CHN1: variants seen among roughly 807,000 people sequenced by gnomAD.
The protein encoded by CHN1 is chimerin 1.
In CHN1, 37 loss-of-function variants were observed where a neutral mutation model predicts 59.5. That is an observed-to-expected ratio of 0.62 (90% CI 0.48 to 0.82). The LOEUF is 0.82. CHN1 is among the 40% of genes least tolerant of loss of function. CHN1 has a pLI of 0.00. For missense variants in CHN1, 469 were observed against 571.0 expected (o/e 0.82, Z 1.82); for synonymous variants, 206 against 200.4 (o/e 1.03, Z -0.24).
chr2:174,899,227 A>G (rs532244126), intron 5 of CHN1, among the ~76,000 whole-genome samples: 5 of 152,364 alleles, frequency 3.3e-5, no homozygotes, highest in South Asian at 2.1e-4. Context: ...GAAGACAGAC[A>G]CGATACATAT....
intron 4 of CHN1, 49 bp downstream of exon 4, chr2:174,918,485 G>C (rs1688913748): frequency 2.1e-6 from 3 of 1,415,790 alleles, no homozygotes; most frequent in Non-Finnish European, 1.9e-6. Context: ...TACCCTGTCT[G>C]TCTTACATAT....
chr2:174,892,714 C>T (rs903053469), intron 5 of CHN1, among the ~76,000 whole-genome samples: 1 of 152,078 alleles, frequency 6.6e-6, no homozygotes, highest in Admixed American at 6.5e-5. Flanking sequence ...AAATCCTCAC[C>T]AACCTAGTGA....
chr2:174,840,664 G>A (rs1686268662), intron 7 of CHN1, among the ~76,000 whole-genome samples: 1 of 152,166 alleles, frequency 6.6e-6, no homozygotes, highest in African/African-American at 2.4e-5. Context: ...ACGGAGCTAG[G>A]AAAGCCTGGA....
intron 5 of CHN1, among the ~76,000 whole-genome samples, chr2:174,891,110 C>T (rs375362399): frequency 8.4e-6 from 1 of 118,716 alleles, no homozygotes; most frequent in Non-Finnish European, 1.6e-5. Context: ...CACTGCACTC[C>T]AGCTTGGGCG....
At chr2:174,833,205 A>G (rs900991665) in intron 7 of CHN1, among the ~76,000 whole-genome samples, 1 of 152,018 alleles carries the variant, frequency 6.6e-6, no homozygotes, top group Non-Finnish European at 1.5e-5. Context: ...TATTCTGTCT[A>G]TTTCACCCTC....
intron 1 of CHN1, among the ~76,000 whole-genome samples, chr2:174,993,510 CAT>C (rs952471524): frequency 6.6e-5 from 10 of 151,060 alleles, no homozygotes; most frequent in Non-Finnish European, 1.2e-4. Context: ...TGAAAACAGA[CAT>C]GTAGAAAGTG....
chr2:174,799,066 A>G lies in CHN1; in HGVS notation c.*1050T>C, dbSNP rs1159470014. On this transcript the variant is annotated 3_prime_UTR_variant, in exon 13 of 13. Transcript: ENST00000409900. ...TCAGCTCAATGCATGTTGATGTCAT[A>G]TATTTTTGACAAATCAAATGTTTAG... Among the ~76,000 whole-genome samples the G allele has an allele frequency of 1.3e-5, 2 of 152,232 alleles. No individual in the cohort carries two copies. Among genetic ancestry groups the G allele is most frequent in the African/African-American group, 2.4e-5 (1 of 41,452 alleles).
chr2:174,823,568 C>T (rs1170011411), intron 8 of CHN1, among the ~76,000 whole-genome samples: 2 of 151,640 alleles, frequency 1.3e-5, no homozygotes, highest in East Asian at 3.9e-4. Context: ...GAGGCTGAGG[C>T]AGGAGAATGG....
In CHN1 at chr2:174,804,474, T is replaced by G. The variant is rs949696784; in HGVS notation, c.1103-2662A>C. Among the ~76,000 whole-genome samples, 4 of 152,314 alleles carry G rather than the reference T, an allele frequency of 2.6e-5. No homozygotes were observed. The East Asian group carries it at 7.7e-4, about 29-fold the overall frequency. ...ATGTATTTTTCAGTTATCTGTACTC[T>G]GGCTGCCTAGTGGAAAACAGACTGT... On this transcript the variant is annotated intron_variant, in intron 11 of 12. Coordinates refer to ENST00000409900, the MANE Select transcript of CHN1 (RefSeq NM_001822.7).
chr2:174,911,638 C>CA (rs1688704577), intron 5 of CHN1, among the ~76,000 whole-genome samples: 1 of 152,198 alleles, frequency 6.6e-6, no homozygotes, highest in Non-Finnish European at 1.5e-5. Context: ...GAAAACCTGT[C>CA]ATGCCACATG....
chr2:174,864,418 A>G (rs1687153802), intron 6 of CHN1, among the ~76,000 whole-genome samples: 1 of 152,222 alleles, frequency 6.6e-6, no homozygotes, highest in Non-Finnish European at 1.5e-5. Flanking sequence ...ATGTATGCTG[A>G]TTTATCTAAA....
At chr2:174,855,681 C>T (rs1686878422) in intron 6 of CHN1, among the ~76,000 whole-genome samples, 2 of 152,014 alleles carry the variant, frequency 1.3e-5, no homozygotes, top group South Asian at 4.2e-4. Flanking sequence ...CTAGTAAATG[C>T]TTTACATGTA....
chr2:174,904,979 C>T lies in CHN1; in HGVS notation c.260+10079G>A, dbSNP rs911877301. Reference sequence around the variant, plus strand: ...AATCTCATGCATTTACCTTAACGTACCACACATTATCACCTTGTATGGGTG... The same window carrying T: ...AATCTCATGCATTTACCTTAACGTATCACACATTATCACCTTGTATGGGTG... On this transcript the variant is annotated intron_variant, in intron 5 of 12. Transcript: ENST00000409900. Among the ~76,000 whole-genome samples the T allele has an allele frequency of 2.6e-5, 4 of 152,120 alleles. No individual in the cohort carries two copies. In the East Asian group the frequency reaches 5.8e-4, roughly 22 times the overall value.
intron 1 of CHN1, among the ~76,000 whole-genome samples, chr2:174,962,865 G>A (rs887232514): frequency 3.3e-5 from 5 of 151,804 alleles, no homozygotes; most frequent in Admixed American, 2.0e-4. Flanking sequence ...AGCCAAGATC[G>A]TGCCACTGCA....
At chr2:174,974,395 A>G (rs1049552405) in intron 1 of CHN1, among the ~76,000 whole-genome samples, 1 of 152,202 alleles carries the variant, frequency 6.6e-6, no homozygotes, top group Non-Finnish European at 1.5e-5. Flanking sequence ...GCAAAAGGTC[A>G]TTGTCACTGG....
chr2:174,869,512 TG>T (rs34119723), intron 6 of CHN1, among the ~76,000 whole-genome samples: 1 of 110,846 alleles, frequency 9.0e-6, no homozygotes, highest in East Asian at 2.3e-4. Flanking sequence ...GGGGTCTGGG[TG>T]GGGGTAAGAT....
intron 3 of CHN1, among the ~76,000 whole-genome samples, chr2:174,927,201 C>T (rs1277135951): frequency 6.6e-6 from 1 of 152,124 alleles, no homozygotes; most frequent in Non-Finnish European, 1.5e-5. Context: ...TCAAAATAAA[C>T]TTTCTAAATT....
At chr2:174,872,478 C>T (rs1008801006) in intron 6 of CHN1, among the ~76,000 whole-genome samples, 6 of 152,164 alleles carry the variant, frequency 3.9e-5, no homozygotes, top group Admixed American at 2.0e-4. Context: ...GAAAGCTTGA[C>T]TTGTCTTACA....
At chr2:174,984,572 T>C (rs1291776053) in intron 1 of CHN1, among the ~76,000 whole-genome samples, 1 of 152,148 alleles carries the variant, frequency 6.6e-6, no homozygotes, top group East Asian at 1.9e-4. Flanking sequence ...TTTCACCATA[T>C]TGGCCAGGAT....
Sources: allele counts gnomAD v4.1 joint callset (sites outside exome capture counted in the v4.1 genomes callset), GRCh38; gene constraint gnomAD v4.1.1; transcripts MANE v1.5; gene names NCBI Gene and HGNC (gene_info 2026-07-23, HGNC 2026-07-21).